Variants in INTS1 observed in about 807,000 individuals in gnomAD.
The protein encoded by INTS1 is integrator complex subunit 1.
In INTS1, 137 loss-of-function variants were observed where a neutral mutation model predicts 241.6. The observed-to-expected ratio is 0.57, with a 90% CI of 0.49 to 0.65. The LOEUF (loss-of-function observed/expected upper bound fraction) is 0.65. Ranked by LOEUF, INTS1 falls within the 30% of genes least tolerant of loss-of-function variation. The probability of loss-of-function intolerance (pLI) is 0.00; values close to 1 mark genes in which losing one functional copy is unlikely to be tolerated. For missense variants in INTS1, 3,073 were observed against 3,032.2 expected (o/e 1.01, Z -0.32); for synonymous variants, 1,692 against 1,337.8 (o/e 1.26, Z -5.78).
chr7:1,480,973 G>A (rs1781966934), intron 28 of INTS1, 40 bp from the exon 29 acceptor site: 1 of 1,465,842 alleles, frequency 6.8e-7, no homozygotes, highest in Non-Finnish European at 9.4e-7. Context: ...CGCGGCCAGG[G>A]GCCAGGGAGC....
At chr7:1,486,162 C>G (rs1210922141) in intron 22 of INTS1, among the ~76,000 whole-genome samples, 1 of 152,172 alleles carries the variant, frequency 6.6e-6, no homozygotes, top group Non-Finnish European at 1.5e-5. Context: ...TCTCAAACTC[C>G]TGGACTCAAG....
Position 1,473,676 on chromosome 7 carries a change from G to A in INTS1, c.5847C>T (p.Ser1949=), listed in dbSNP as rs1781579839. The change falls in exon 42 of 48, where the codon TCC becomes TCT. Residue 1949 remains serine, a synonymous_variant. Coordinates refer to ENST00000404767, the MANE Select transcript of INTS1 (RefSeq NM_001080453.3). Reference sequence around the variant, plus strand: ...TGTTGATGAAGGCAGCCAGATGGCGGGAGGACTTCCTGTAATTCTGCAAAG... The same window carrying A: ...TGTTGATGAAGGCAGCCAGATGGCGAGAGGACTTCCTGTAATTCTGCAAAG... ...IRLLLNYRKS[S]RHLAAFINKF... 3 of 1,613,272 alleles carry A rather than the reference G, an allele frequency of 1.9e-6. No homozygotes were observed. Among genetic ancestry groups the A allele is most frequent in the Admixed American group, 1.7e-5 (1 of 60,018 alleles).
At chr7:1,486,894 G>C in intron 21 of INTS1, 28 bp downstream of exon 21, 1 of 1,586,354 alleles carries the variant, frequency 6.3e-7, no homozygotes, top group Non-Finnish European at 8.5e-7. Flanking sequence ...GTGAGAGGCG[G>C]GGGGGCTGAG....
At chr7:1,476,534 C>T (rs1171487086) in intron 37 of INTS1, 36 bp downstream of exon 37, 2 of 1,611,276 alleles carry the variant, frequency 1.2e-6, no homozygotes, top group Non-Finnish European at 1.7e-6. Context: ...GATGGGCCAC[C>T]CCCTCTCCCG....
intron 20 of INTS1, 41 bp from the exon 21 acceptor site, chr7:1,487,142 CCCAACA>C: frequency 6.5e-7 from 1 of 1,532,892 alleles, no homozygotes; most frequent in Non-Finnish European, 8.8e-7. Flanking sequence ...ACCTTCCAGG[CCCAACA>C]CCTGCCGCCA....
intron 24 of INTS1, 126 bp from the exon 25 acceptor site, chr7:1,484,296 T>A (rs1246345703): frequency 9.8e-7 from 1 of 1,015,516 alleles, no homozygotes; most frequent in Admixed American, 2.6e-5. Flanking sequence ...CCGCAGACCC[T>A]CACTCAGCCG....
intron 16 of INTS1, among the ~76,000 whole-genome samples, chr7:1,490,152 C>A (rs376778526): frequency 6.6e-6 from 1 of 152,208 alleles, no homozygotes; most frequent in Non-Finnish European, 1.5e-5. Context: ...AAAGACCACA[C>A]CAGAAAGCAG....
At chr7:1,494,525 G>A in intron 14 of INTS1, 1 of 513,774 alleles carries the variant, frequency 1.9e-6, no homozygotes, top group Non-Finnish European at 3.6e-6. Context: ...AGGGTGGCGT[G>A]CCCGTGGACG....
intron 5 of INTS1, 126 bp from the exon 6 acceptor site, chr7:1,499,758 C>G: frequency 6.8e-7 from 1 of 1,464,018 alleles, no homozygotes; most frequent in East Asian, 2.4e-5. Flanking sequence ...GCAGCAGGGA[C>G]CGTGCCATCA....
chr7:1,500,500 G>T, intron 3 of INTS1, 134 bp from the exon 4 acceptor site: 2 of 1,000,544 alleles, frequency 2.0e-6, no homozygotes, highest in South Asian at 1.7e-5. Flanking sequence ...TCCACCCTCA[G>T]CAAAGTTCCC....
intron 44 of INTS1, 103 bp downstream of exon 44, chr7:1,472,170 G>C (rs1319002932): frequency 1.1e-6 from 1 of 875,512 alleles, no homozygotes; most frequent in Admixed American, 2.0e-5. Context: ...GCGTGGGCCA[G>C]GCTCACGCCA....
intron 9 of INTS1, 29 bp downstream of exon 9, chr7:1,498,678 C>T (rs1182340279): frequency 1.9e-6 from 3 of 1,545,748 alleles, no homozygotes; most frequent in Non-Finnish European, 2.6e-6. Flanking sequence ...TCCACCCGCA[C>T]CCCCGCTCTG....
chr7:1,495,638 G>A, intron 12 of INTS1, 85 bp from the exon 13 acceptor site: 1 of 1,512,690 alleles, frequency 6.6e-7, no homozygotes. Flanking sequence ...ACTCAATGCT[G>A]GCACTTGGGA....
Position 1,498,508 on chromosome 7 carries a change from C to G in INTS1, c.1329G>C (p.Lys443Asn). Residue 443 changes from lysine to asparagine, a missense_variant, in exon 10 of 48, where the codon AAG becomes AAC. Lys to Asn is a moderately conservative substitution (Grantham distance 94). Coordinates refer to ENST00000404767, the MANE Select transcript of INTS1 (RefSeq NM_001080453.3). Reference protein sequence around the residue: ...AHKDNLGTTIKLVIFNELSSA... With the variant: ...AHKDNLGTTINLVIFNELSSA... ...TGGAGAGCTCATTGAAGATCACCAA[C>G]TTGATGGTGGTGCCCAGGTTGTCCT... 1 of 1,613,918 alleles carries G rather than the reference C, an allele frequency of 6.2e-7. No homozygotes were observed. Among genetic ancestry groups the G allele is most frequent in the Non-Finnish European group, 8.5e-7 (1 of 1,179,876 alleles).
rs568299671 is a variant in INTS1, at chr7:1,483,278, G to A, written c.3541+464C>T. The A allele has an allele frequency of 1.2e-5, 3 of 250,204 alleles. No homozygotes were observed. In the Admixed American group the frequency reaches 1.5e-4, roughly 12 times the overall value. 15.5% of individuals were successfully genotyped at this position (250,204 alleles called of 1,614,324 possible). A position where few individuals can be genotyped will look rare whatever the true frequency, so the allele number is the denominator to read the frequency against. ...AAAGGGGAAGGCTGCGGCCGCAGAGGGCACGGCTGGGTAGGCGCTGGGTTC... is the reference window on the plus strand; with the variant it reads ...AAAGGGGAAGGCTGCGGCCGCAGAGAGCACGGCTGGGTAGGCGCTGGGTTC... On this transcript the variant is annotated intron_variant, in intron 26 of 47. Transcript: ENST00000404767.
rs551678275 is a variant in INTS1 at position 1,477,780 on chromosome 7, C to G, written c.4787G>C (p.Gly1596Ala). 3 of 1,612,324 alleles carry G rather than the reference C, an allele frequency of 1.9e-6. No homozygotes were observed. The highest frequency in any genetic ancestry group is 2.5e-6 in the Non-Finnish European group (3 of 1,179,788). The change falls in exon 34 of 48, where the codon GGG becomes GCG. Residue 1596 changes from glycine to alanine, a missense_variant. Transcript: ENST00000404767. The part of the protein sequence containing the change: ...LLLQEEEPLA[G>A]GKPGADGGSL... ...GCCACCGTCCGCACCCGGCTTCCCC[C>G]CAGCCAGGGGCTCCTCCTCCTGCAG...
At chr7:1,479,817 A>G (rs908638468) in intron 30 of INTS1, 133 bp from the exon 31 acceptor site, 2 of 1,043,880 alleles carry the variant, frequency 1.9e-6, no homozygotes, top group Non-Finnish European at 2.6e-6. Context: ...CGTAGCCCCC[A>G]CCTTGTGGCC....
At chr7:1,483,630 T>TG (rs1271269387) in intron 26 of INTS1, 112 bp downstream of exon 26, 4 of 802,874 alleles carry the variant, frequency 5.0e-6, no homozygotes, top group Non-Finnish European at 6.3e-6. Flanking sequence ...GTTGAAGGGC[T>TG]GGGGGGCTTC....
rs1391029036 is a variant in INTS1, at chr7:1,479,442, G to C, written c.4317C>G (p.Leu1439=). The C allele has an allele frequency of 6.3e-7, 1 of 1,578,164 alleles. No homozygotes were observed. Among genetic ancestry groups the C allele is most frequent in the Non-Finnish European group, 8.6e-7 (1 of 1,163,068 alleles). ...HFLACPLLRQ[L]CQYQRCVPQD... ...CACGCCCAAGTACCTGGTACTGGCA[G>C]AGCTGGCGCAGCAGCGGGCAGGCCA... Residue 1439 remains leucine, a synonymous_variant, in exon 31 of 48, where the codon CTC becomes CTG. Transcript: ENST00000404767.
Sources: gnomAD v4.1 joint callset for allele counts (sites outside exome capture counted in the v4.1 genomes callset) on GRCh38, gnomAD v4.1.1 for gene constraint, MANE v1.5 for transcripts, NCBI Gene and HGNC (gene_info 2026-07-23, HGNC 2026-07-21) for gene names.